ADAMTSL1: variants seen among roughly 807,000 people sequenced by gnomAD.
ADAMTSL1 encodes the protein ADAMTS-like protein 1.
ADAMTSL1 carries 126 observed loss-of-function variants against 201.8 expected under a neutral mutation model. That is an observed-to-expected ratio of 0.62 (90% CI 0.54 to 0.72). The LOEUF (loss-of-function observed/expected upper bound fraction) is 0.72. Ranked by LOEUF, ADAMTSL1 falls within the 30% of genes least tolerant of loss-of-function variation. The pLI is 0.00. For synonymous variants in ADAMTSL1, 1,121 were observed against 903.4 expected, an observed-to-expected ratio of 1.24 and a Z score of -4.32; for missense variants, 2,679 against 2,277.8, an observed-to-expected ratio of 1.18 and a Z score of -3.59.
chr9:18,664,071 G>C (rs548687975), intron 9 of ADAMTSL1, among the ~76,000 whole-genome samples: 7 of 152,162 alleles, frequency 4.6e-5, no homozygotes, highest in African/African-American at 1.7e-4. Flanking sequence ...AGAAAAAATA[G>C]GCAAATGTCA....
At chr9:18,763,377 G>A (rs2133677260) in intron 16 of ADAMTSL1, among the ~76,000 whole-genome samples, 1 of 152,184 alleles carries the variant, frequency 6.6e-6, no homozygotes, top group Non-Finnish European at 1.5e-5. Context: ...AGTTGTTTGA[G>A]CTCCTTATAT....
chr9:18,276,260 T>C (rs771315922), intron 2 of ADAMTSL1, among the ~76,000 whole-genome samples: 11 of 152,230 alleles, frequency 7.2e-5, no homozygotes, highest in Non-Finnish European at 1.2e-4. Context: ...CTTTGTCAGA[T>C]ATATGTTTAG....
chr9:18,754,571 G>T (rs150537862), intron 16 of ADAMTSL1, among the ~76,000 whole-genome samples: 1 of 152,162 alleles, frequency 6.6e-6, no homozygotes, highest in South Asian at 2.1e-4. Flanking sequence ...GAGAGAGGAC[G>T]ACAGCTCACA....
At chr9:18,656,650 A>AAAAAAAT (rs71506010) in intron 7 of ADAMTSL1, among the ~76,000 whole-genome samples, 19 of 148,480 alleles carry the variant, frequency 1.3e-4, no homozygotes, top group South Asian at 2.1e-4. Flanking sequence ...AAAAAAGAAA[A>AAAAAAAT]TGTTAAGACT....
chr9:18,180,439 A>C (rs1828406778), intron 2 of ADAMTSL1, among the ~76,000 whole-genome samples: 1 of 148,906 alleles, frequency 6.7e-6, no homozygotes, highest in South Asian at 2.1e-4. Flanking sequence ...AGGCTGAGGC[A>C]GGAGAATGGC....
chr9:17,960,352 A>G (rs565103877), intron 1 of ADAMTSL1, among the ~76,000 whole-genome samples: 1 of 152,338 alleles, frequency 6.6e-6, no homozygotes, highest in South Asian at 2.1e-4. Context: ...TGTATTCTTT[A>G]TTCCACATCG....
intron 2 of ADAMTSL1, among the ~76,000 whole-genome samples, chr9:18,228,778 C>T (rs1830527349): frequency 6.6e-6 from 1 of 151,766 alleles, no homozygotes; most frequent in Admixed American, 6.6e-5. Context: ...TTTTAATTTC[C>T]TGAAACGTGT....
At chr9:18,435,429 G>A (rs1268866979) in intron 2 of ADAMTSL1, among the ~76,000 whole-genome samples, 3 of 152,136 alleles carry the variant, frequency 2.0e-5, no homozygotes, top group Non-Finnish European at 4.4e-5. Context: ...AACCAGAATT[G>A]TTCAAATACT....
Position 18,120,456 on chromosome 9 carries a change from G to A in ADAMTSL1, c.88-43406G>A, listed in dbSNP as rs73422915. On this transcript the variant is annotated intron_variant, in intron 1 of 29. Transcript: ENST00000680146. ...CAGGACTAGAGGTAGGAATTGTTGG[G>A]GGGGACCCTGGAGGCTGCCTACCAC... is the stretch of plus-strand genomic sequence containing the variant. 2.9e-3 allele frequency among the ~76,000 whole-genome samples: 441 copies of A among 152,296 alleles called. 5 individuals are homozygous for A. The highest frequency in any genetic ancestry group is 1.0e-2 in the African/African-American group (415 of 41,584).
chr9:18,662,138 T>C, intron 9 of ADAMTSL1, 65 bp downstream of exon 9: 1 of 1,549,864 alleles, frequency 6.5e-7, no homozygotes, highest in Non-Finnish European at 8.7e-7. Flanking sequence ...GTTATTTAAA[T>C]TAAAATGAAA....
intron 1 of ADAMTSL1, among the ~76,000 whole-genome samples, chr9:17,949,019 T>G: frequency 6.6e-6 from 1 of 152,190 alleles, no homozygotes; most frequent in East Asian, 1.9e-4. Flanking sequence ...TTCTGAAATT[T>G]TATCCCACTG....
chr9:18,272,203 G>A (rs13298905), intron 2 of ADAMTSL1, among the ~76,000 whole-genome samples: 10,945 of 151,946 alleles, frequency 0.072, 441 homozygotes, highest in African/African-American at 0.088. Context: ...CTGACTTCAA[G>A]CTATACTACA....
intron 1 of ADAMTSL1, among the ~76,000 whole-genome samples, chr9:18,477,814 G>A (rs1821529482): frequency 6.6e-6 from 1 of 152,146 alleles, no homozygotes; most frequent in South Asian, 2.1e-4. Context: ...GTGTTTCAGT[G>A]TGTTCAGGAC....
chr9:18,648,481 C>G (rs1827969949), intron 7 of ADAMTSL1, among the ~76,000 whole-genome samples: 1 of 152,048 alleles, frequency 6.6e-6, no homozygotes, highest in African/African-American at 2.4e-5. Context: ...TCTTCCTAGT[C>G]TTGATGGTCT....
At chr9:17,980,171 C>T (rs1053384713) in intron 1 of ADAMTSL1, among the ~76,000 whole-genome samples, 1 of 152,020 alleles carries the variant, frequency 6.6e-6, no homozygotes, top group African/African-American at 2.4e-5. Flanking sequence ...TTTCTTAGTT[C>T]TGTGCTCCAC....
At chr9:18,905,996 G>A in intron 27 of ADAMTSL1, 105 bp downstream of exon 27, 1 of 1,010,112 alleles carries the variant, frequency 9.9e-7, no homozygotes, top group Non-Finnish European at 1.4e-6. Flanking sequence ...ACAGTCCCAA[G>A]CCCTGCCTGG....
At chr9:18,337,003 T>C (rs561173300) in intron 2 of ADAMTSL1, among the ~76,000 whole-genome samples, 31 of 152,274 alleles carry the variant, frequency 2.0e-4, no homozygotes, top group African/African-American at 6.3e-4. Flanking sequence ...ATGGTTAACA[T>C]TGAGTATCAA....
intron 20 of ADAMTSL1, among the ~76,000 whole-genome samples, chr9:18,798,963 A>G (rs989205918): frequency 6.6e-6 from 1 of 151,402 alleles, no homozygotes; most frequent in African/African-American, 2.4e-5. Flanking sequence ...TCCTCTCTAA[A>G]CTCTTCCATT....
At chr9:17,927,307 C>G (rs924269630) in intron 1 of ADAMTSL1, among the ~76,000 whole-genome samples, 12 of 152,080 alleles carry the variant, frequency 7.9e-5, no homozygotes, top group Non-Finnish European at 1.6e-4. Context: ...TGTACACATA[C>G]ATGTATACAT....
Sources: gnomAD v4.1 joint callset for allele counts (sites outside exome capture counted in the v4.1 genomes callset) on GRCh38, gnomAD v4.1.1 for gene constraint, MANE v1.5 for transcripts, NCBI Gene and HGNC (gene_info 2026-07-23, HGNC 2026-07-21) for gene names.